ZFYVE26: variants seen among roughly 807,000 people sequenced by gnomAD.
ZFYVE26 encodes the protein zinc finger FYVE-type containing 26.
In ZFYVE26, 181 loss-of-function variants were observed where a neutral mutation model predicts 276.5. That is an observed-to-expected ratio of 0.65 (90% CI 0.58 to 0.74). The LOEUF (loss-of-function observed/expected upper bound fraction) is 0.74. Among genes scored for constraint, ZFYVE26 ranks in the 30% least tolerant of loss-of-function variants. ZFYVE26 has a pLI of 0.00. For missense variants in ZFYVE26, 2,821 were observed against 3,097.9 expected, an observed-to-expected ratio of 0.91 and a Z score of 2.12; for synonymous variants, 1,129 against 1,203.1, an observed-to-expected ratio of 0.94 and a Z score of 1.27.
At chr14:67,789,725 T>A in intron 15 of ZFYVE26, 127 bp from the exon 16 acceptor site, 1 of 1,231,532 alleles carries the variant, frequency 8.1e-7, no homozygotes. Context: ...TCATGTATAT[T>A]AGCACTATCA....
Position 67,769,702 on chromosome 14 carries a change from C to T in ZFYVE26, c.5513G>A (p.Cys1838Tyr). 6.2e-7 allele frequency: 1 copy of T among 1,614,128 alleles called. No individual in the cohort carries two copies. The highest frequency in any genetic ancestry group is 8.5e-7 in the Non-Finnish European group (1 of 1,180,026). ...GCAGGAGCTGCACACTAGCCGGCCA[C>T]AGCGGCGACAATGATGACGCCTGTT... ...MFNRRHHCRR[C>Y]GRLVCSSCST... The change falls in exon 29 of 42, where the codon TGT becomes TAT. Residue 1838 changes from cysteine (C) to tyrosine (Y), a missense_variant. Coordinates refer to ENST00000347230, the MANE Select transcript of ZFYVE26 (RefSeq NM_015346.4).
rs1384904034 is a variant in ZFYVE26, at chr14:67,730,769, A to G, written n.2680-950T>C. ...CAGGTGCCCGCCACCACACCTGACT[A>G]GTTTTTGTATTTTTAGTCGAGATGG... On this transcript the variant is annotated intron_variant and non_coding_transcript_variant, in intron 13 of 14. Coordinates refer to the ZFYVE26 transcript ENST00000394455. Among the ~76,000 whole-genome samples the G allele has an allele frequency of 2.6e-5, 4 of 152,056 alleles. No homozygotes were observed. In the East Asian group the frequency reaches 7.7e-4, roughly 29 times the overall value.
intron 15 of ZFYVE26, among the ~76,000 whole-genome samples, chr14:67,790,175 T>C (rs1188761272): frequency 1.3e-5 from 2 of 152,192 alleles, no homozygotes; most frequent in African/African-American, 4.8e-5. Context: ...TTCTAGGCCT[T>C]AAATTTTAAT....
intron 13 of ZFYVE26, among the ~76,000 whole-genome samples, chr14:67,740,073 C>T (rs1257554440): frequency 6.6e-6 from 1 of 152,182 alleles, no homozygotes; most frequent in Admixed American, 6.5e-5. Flanking sequence ...ATTGGATCCC[C>T]TGTATCCAGC....
intron 13 of ZFYVE26, 125 bp from the exon 14 acceptor site, chr14:67,793,884 G>GCC: frequency 7.3e-7 from 1 of 1,361,242 alleles, no homozygotes; most frequent in Non-Finnish European, 1.0e-6. Flanking sequence ...CTGTAAATAG[G>GCC]TCTTAATTTT....
chr14:67,775,223 A>C (rs2039310777), intron 26 of ZFYVE26, 109 bp from the exon 27 acceptor site: 7 of 721,150 alleles, frequency 9.7e-6, no homozygotes, highest in South Asian at 1.9e-5. Context: ...TTGTCATTCC[A>C]TGACTCTACT....
intron 22 of ZFYVE26, among the ~76,000 whole-genome samples, chr14:67,780,837 G>C (rs1322925174): frequency 2.0e-5 from 3 of 152,182 alleles, no homozygotes; most frequent in Admixed American, 6.5e-5. Flanking sequence ...TGGAAAATTA[G>C]CATCTATTTT....
chr14:67,799,356 C>T (rs1399185128), intron 10 of ZFYVE26: 21 of 1,609,602 alleles, frequency 1.3e-5, no homozygotes, highest in Non-Finnish European at 1.6e-5. Context: ...TCCTATAAGG[C>T]CTTTGTCAAA....
intron 35 of ZFYVE26, among the ~76,000 whole-genome samples, chr14:67,759,104 G>A (rs1450770028): frequency 6.6e-6 from 1 of 151,756 alleles, no homozygotes; most frequent in Non-Finnish European, 1.5e-5. Flanking sequence ...AATTAGCCAG[G>A]TATGGTGGCG....
intron 18 of ZFYVE26, among the ~76,000 whole-genome samples, chr14:67,785,561 C>T (rs2039627608): frequency 6.6e-6 from 1 of 152,138 alleles, no homozygotes; most frequent in South Asian, 2.1e-4. Flanking sequence ...TTATGAAGAA[C>T]ACAGCAATCT....
At chr14:67,763,531 C>G (rs552688208) in intron 32 of ZFYVE26, among the ~76,000 whole-genome samples, 7 of 152,280 alleles carry the variant, frequency 4.6e-5, no homozygotes, top group Middle Eastern at 3.4e-3. Flanking sequence ...ACACGTTGTA[C>G]AGGTTTGTAG....
chr14:67,749,094 C>T (rs1428433126), intron 41 of ZFYVE26, among the ~76,000 whole-genome samples: 1 of 152,188 alleles, frequency 6.6e-6, no homozygotes, highest in South Asian at 2.1e-4. Flanking sequence ...GTTTTTTCTA[C>T]TCCTGTAGTA....
intron 22 of ZFYVE26, 139 bp from the exon 23 acceptor site, chr14:67,780,484 G>A: frequency 1.3e-6 from 1 of 755,774 alleles, no homozygotes; most frequent in South Asian, 1.5e-5. Context: ...AGAAAAGAGA[G>A]CAAATTGGGC....
rs56395545 is a variant in ZFYVE26, at chr14:67,809,425, T to A, written c.274-136A>T. The A allele has an allele frequency of 1.5e-3, 864 of 578,640 alleles. 8 individuals carry two copies. Among genetic ancestry groups the A allele is most frequent in the African/African-American group, 8.9e-3 (363 of 40,888 alleles). 35.8% of individuals were successfully genotyped at this position (578,640 alleles called of 1,614,324 possible). A position where few individuals can be genotyped will look rare whatever the true frequency, so the allele number is the denominator to read the frequency against. ...GAAGCACTCTTTTTTTTTTTTTTTTTTTTTTTTTTTATTTTGAGACAGAGT... is the reference window on the plus strand; with the variant it reads ...GAAGCACTCTTTTTTTTTTTTTTTTATTTTTTTTTTATTTTGAGACAGAGT... On this transcript the variant is annotated intron_variant, in intron 3 of 41. Transcript: ENST00000347230.
At chr14:67,785,742 G>T in intron 18 of ZFYVE26, 116 bp downstream of exon 18, 1 of 1,395,870 alleles carries the variant, frequency 7.2e-7, no homozygotes, top group Middle Eastern at 2.4e-4. Context: ...TAACTAAAGG[G>T]CTGATAGATC....
intron 13 of ZFYVE26, among the ~76,000 whole-genome samples, chr14:67,741,276 G>A (rs969633723): frequency 6.6e-5 from 10 of 152,164 alleles, no homozygotes; most frequent in Admixed American, 3.9e-4. Context: ...TGTTATGTCA[G>A]CACTGAGTTC....
chr14:67,753,960 G>A, intron 38 of ZFYVE26, 111 bp downstream of exon 38: 1 of 1,570,980 alleles, frequency 6.4e-7, no homozygotes, highest in South Asian at 1.1e-5. Context: ...TATTCTAGTG[G>A]GGAGGCAGCC....
chr14:67,748,023 C>G lies in ZFYVE26; in HGVS notation c.*413G>C, dbSNP rs972045028. On this transcript the variant is annotated 3_prime_UTR_variant, in exon 42 of 42. Coordinates refer to ENST00000347230, the MANE Select transcript of ZFYVE26 (RefSeq NM_015346.4). The stretch of plus-strand genomic sequence containing the variant: ...AGGGGGGACTATACAAACAGGACAA[C>G]CCGGGTCAAGAACCAAAACGCAGGG... 1 of 241,228 alleles carries G rather than the reference C, an allele frequency of 4.1e-6. No homozygotes were observed. The highest frequency in any genetic ancestry group is 2.2e-5 in the African/African-American group (1 of 44,644). The allele number at this position is 241,228 out of a possible 1,614,324, so 14.9% of individuals were successfully genotyped here.
At position 67,798,359 on chromosome 14, in the gene ZFYVE26, G is replaced by A. The variant is rs536238458; in HGVS notation, c.1903C>T (p.Leu635=). 61 of 1,610,126 alleles carry A rather than the reference G, an allele frequency of 3.8e-5. No individual in the cohort carries two copies. The African/African-American group carries it at 6.3e-4, about 17-fold the overall frequency. ...HPERKSERGS[L]GVPKTLAYTM... ...TAAGCAAGGGTCTTTGGGACTCCCA[G>A]GGAACCCCGTTCTGACTTCCTTTCA... is the stretch of plus-strand genomic sequence containing the variant. Residue 635 remains leucine (L), a synonymous_variant, in exon 11 of 42, where the codon CTG becomes TTG. Transcript: ENST00000347230.
Sources: allele counts gnomAD v4.1 joint callset (sites outside exome capture counted in the v4.1 genomes callset), GRCh38; gene constraint gnomAD v4.1.1; transcripts MANE v1.5; gene names NCBI Gene and HGNC (gene_info 2026-07-23, HGNC 2026-07-21).